Variants in STAT5B observed in about 807,000 individuals in gnomAD.
STAT5B encodes the protein transcription factor STAT5B.
Under a neutral mutation model 107.8 loss-of-function variants are expected in STAT5B, and 21 were observed. The ratio of observed to expected loss-of-function variants is 0.19; its 90% CI spans 0.14 to 0.28. STAT5B has a LOEUF of 0.28. Among genes scored for constraint, STAT5B ranks in the 10% least tolerant of loss-of-function variants. The pLI is 1.00. For synonymous variants in STAT5B, 325 were observed against 401.7 expected (o/e 0.81, Z 2.28); for missense variants, 565 against 1,008.2 (o/e 0.56, Z 5.95).
chr17:42,247,863 G>C (rs906285296), intron 1 of STAT5B, among the ~76,000 whole-genome samples: 3 of 151,448 alleles, frequency 2.0e-5, no homozygotes, highest in African/African-American at 7.3e-5. Context: ...TGAGGTGGGA[G>C]AATCACTTGA....
At chr17:42,225,041 G>GT (rs2080261644) in intron 3 of STAT5B, among the ~76,000 whole-genome samples, 173 bp from the exon 4 acceptor site, 1 of 152,034 alleles carries the variant, frequency 6.6e-6, no homozygotes, top group South Asian at 2.1e-4. Flanking sequence ...CAGTGAAAAG[G>GT]TAAGATTGTT....
intron 16 of STAT5B, among the ~76,000 whole-genome samples, chr17:42,204,362 G>T (rs1020616022): frequency 1.3e-5 from 2 of 152,096 alleles, no homozygotes; most frequent in African/African-American, 4.8e-5. Flanking sequence ...CGTGAATATG[G>T]GAATCAGTAC....
chr17:42,259,722 G>A (rs2144387045), intron 1 of STAT5B, among the ~76,000 whole-genome samples: 1 of 152,128 alleles, frequency 6.6e-6, no homozygotes, highest in African/African-American at 2.4e-5. Context: ...GTCGGGGGGA[G>A]GCTTCAGTGA....
chr17:42,282,600 A>G, the STAT5B span, among the ~76,000 whole-genome samples: 1 of 152,156 alleles, frequency 6.6e-6, no homozygotes, highest in African/African-American at 2.4e-5. Context: ...TCAGCCTCCC[A>G]AAGTGCTAGG....
At chr17:42,251,958 C>T (rs1202956206) in intron 1 of STAT5B, among the ~76,000 whole-genome samples, 1 of 147,222 alleles carries the variant, frequency 6.8e-6, no homozygotes, top group East Asian at 2.0e-4. Context: ...GAGATCGTGC[C>T]ACTGCATTCC....
chr17:42,263,517 T>G (rs1195368148), intron 1 of STAT5B, among the ~76,000 whole-genome samples: 1 of 152,076 alleles, frequency 6.6e-6, no homozygotes, highest in Non-Finnish European at 1.5e-5. Context: ...TATCATCTGT[T>G]TTTTTGTTTG....
intron 1 of STAT5B, 89 bp from the exon 2 acceptor site, chr17:42,232,226 T>C: frequency 2.3e-6 from 3 of 1,326,450 alleles, no homozygotes; most frequent in Non-Finnish European, 3.0e-6. Context: ...GTTACCAAGG[T>C]AAATGTTTTT....
rs1009991685 is a variant in STAT5B, at chr17:42,231,993, C to T, written c.128+7G>A. 2.5e-6 allele frequency: 4 copies of T among 1,613,632 alleles called. No individual in the cohort carries two copies. Among genetic ancestry groups the T allele is most frequent in the Non-Finnish European group, 3.4e-6 (4 of 1,179,794 alleles). ...AAAATATGATGCAAACATCCTTGTTCACCTACCATGCTTGGCTTTCAATCC... is the reference window on the plus strand; with the variant it reads ...AAAATATGATGCAAACATCCTTGTTTACCTACCATGCTTGGCTTTCAATCC... On this transcript the variant is annotated splice_region_variant and intron_variant, in intron 2 of 18. Coordinates refer to ENST00000293328, the MANE Select transcript of STAT5B (RefSeq NM_012448.4).
intron 1 of STAT5B, among the ~76,000 whole-genome samples, chr17:42,266,796 C>A (rs2080676925): frequency 6.6e-6 from 1 of 152,084 alleles, no homozygotes; most frequent in South Asian, 2.1e-4. Flanking sequence ...TGTAGCCATG[C>A]CACTCAGGAA....
intron 1 of STAT5B, among the ~76,000 whole-genome samples, chr17:42,249,585 T>C (rs534640107): frequency 6.6e-6 from 1 of 152,066 alleles, no homozygotes; most frequent in Non-Finnish European, 1.5e-5. Flanking sequence ...ATATATACAA[T>C]GAATATATAA....
intron 11 of STAT5B, 59 bp from the exon 12 acceptor site, chr17:42,216,165 C>CTT (rs56888729): frequency 1.8e-4 from 205 of 1,127,658 alleles, no homozygotes; most frequent in Non-Finnish European, 2.2e-4. Flanking sequence ...CTCCTTCTCT[C>CTT]TTTTTTTTTT....
In STAT5B at chr17:42,272,519, A is replaced by G. The variant is rs559183789; in HGVS notation, c.-11+3729T>C. On this transcript the variant is annotated intron_variant, in intron 1 of 18. Coordinates refer to ENST00000293328, the MANE Select transcript of STAT5B (RefSeq NM_012448.4). ...TGTTGCTGTTCTAAGACTCCTTCCAAGGCTGTTAAACTTTGAAGAGAGTTG... is the reference window on the plus strand; with the variant it reads ...TGTTGCTGTTCTAAGACTCCTTCCAGGGCTGTTAAACTTTGAAGAGAGTTG... 2 of 152,260 alleles carry G rather than the reference A, an allele frequency of 1.3e-5. 1 individual carries two copies. Among genetic ancestry groups the G allele is most frequent in the African/African-American group, 4.8e-5 (2 of 41,550 alleles). The allele number at this position is 152,260 out of a possible 1,614,324, so 9.4% of individuals were successfully genotyped here.
intron 1 of STAT5B, among the ~76,000 whole-genome samples, chr17:42,274,045 C>G (rs1567681232): frequency 6.6e-6 from 1 of 151,962 alleles, no homozygotes; most frequent in Non-Finnish European, 1.5e-5. Flanking sequence ...CATTTTTCTC[C>G]TACAATCATA....
At chr17:42,277,601 G>T (rs1165906614), upstream of STAT5B, among the ~76,000 whole-genome samples, 1 of 152,170 alleles carries the variant, frequency 6.6e-6, no homozygotes, top group African/African-American at 2.4e-5. Flanking sequence ...TAGGTTCAGG[G>T]AGCTTGGAGG....
chr17:42,283,077 T>A, the STAT5B span, among the ~76,000 whole-genome samples: 5 of 152,106 alleles, frequency 3.3e-5, no homozygotes, highest in Admixed American at 3.3e-4. Context: ...CTGGGAGGTG[T>A]CGTGGAAGAT....
intron 16 of STAT5B, among the ~76,000 whole-genome samples, chr17:42,207,354 T>C (rs1567654737): frequency 2.0e-5 from 3 of 152,142 alleles, no homozygotes; most frequent in Non-Finnish European, 4.4e-5. Context: ...TTGGGGTTAG[T>C]GGTAGATGTG....
intron 1 of STAT5B, among the ~76,000 whole-genome samples, chr17:42,258,610 C>T (rs1327894451): frequency 1.3e-5 from 2 of 152,160 alleles, no homozygotes; most frequent in African/African-American, 2.4e-5. Context: ...ACCTGGGAGA[C>T]GGAGGTTGCA....
the STAT5B span, chr17:42,288,083 C>T: frequency 3.9e-5 from 6 of 152,226 alleles, no homozygotes; most frequent in Non-Finnish European, 8.8e-5. The surrounding 1 kb of genome is among the most constrained non-coding windows in gnomAD (Gnocchi z 4.8). Flanking sequence ...CGCGCCAGAG[C>T]TGGAAGGCGT....
chr17:42,241,991 G>C (rs190144234), intron 1 of STAT5B, among the ~76,000 whole-genome samples: 43 of 152,044 alleles, frequency 2.8e-4, no homozygotes, highest in African/African-American at 1.0e-3. Flanking sequence ...AAGAATAAAA[G>C]CATTTGGCTC....
Sources: gnomAD v4.1 joint callset for allele counts (sites outside exome capture counted in the v4.1 genomes callset) on GRCh38, gnomAD v4.1.1 for gene constraint, Gnocchi (gnomAD v3.1) non-coding constraint, MANE v1.5 for transcripts, NCBI Gene and HGNC (gene_info 2026-07-23, HGNC 2026-07-21) for gene names.